Variants in SLC5A4 observed in about 807,000 individuals in gnomAD.
SLC5A4 encodes the protein solute carrier family 5 member 4.
In SLC5A4, 55 loss-of-function variants were observed where a neutral mutation model predicts 70.3. The ratio of observed to expected loss-of-function variants is 0.78; its 90% CI spans 0.63 to 0.98. SLC5A4 has a LOEUF of 0.98. SLC5A4 is among the 50% of genes least tolerant of loss of function. SLC5A4 has a pLI of 0.00. For missense variants in SLC5A4, 735 were observed against 839.2 expected, an observed-to-expected ratio of 0.88 and a Z score of 1.53; for synonymous variants, 268 against 305.7, an observed-to-expected ratio of 0.88 and a Z score of 1.29.
chr22:32,309,531 G>T, the SLC5A4 span, among the ~76,000 whole-genome samples: 2 of 152,002 alleles, frequency 1.3e-5, no homozygotes, highest in Non-Finnish European at 2.9e-5. Flanking sequence ...TGTTTCTCAG[G>T]GACACTCTAC....
chr22:32,330,818 AGGCTCTGGTGTGTGTGTGTGTGTTGGG>A, the SLC5A4 span, among the ~76,000 whole-genome samples: 354 of 9,692 alleles, frequency 0.037, 2 homozygotes, highest in Non-Finnish European at 0.056. Flanking sequence ...GTGTTTTGGG[AGGCTCTGGTGTGTGTGTGTGTGTTGGG>A]GGCTCTGGTG....
the SLC5A4 span, among the ~76,000 whole-genome samples, chr22:32,304,940 G>T: frequency 3.3e-5 from 5 of 151,804 alleles, no homozygotes; most frequent in African/African-American, 1.2e-4. Context: ...ATTTTTCCAC[G>T]TGAATGTCCA....
At chr22:32,314,156 G>GCTA in the SLC5A4 span, among the ~76,000 whole-genome samples, 2 of 152,210 alleles carry the variant, frequency 1.3e-5, no homozygotes, top group Non-Finnish European at 2.9e-5. Context: ...GTGTACAGGG[G>GCTA]CTAAGGGTGA....
the SLC5A4 span, among the ~76,000 whole-genome samples, chr22:32,342,251 C>G: frequency 4.6e-5 from 7 of 152,250 alleles, no homozygotes; most frequent in Admixed American, 3.9e-4. Flanking sequence ...TTTCAAAGAA[C>G]ACAAAAAAAT....
the SLC5A4 span, among the ~76,000 whole-genome samples, chr22:32,297,984 TGAGTTC>T: frequency 6.0e-5 from 6 of 99,776 alleles, 1 homozygote; most frequent in African/African-American, 2.3e-4. Context: ...TTCTTAATCC[TGAGTTC>T]TAGTTTGATT....
At chr22:32,272,616 C>T in the SLC5A4 span, 1 of 603,574 alleles carries the variant, frequency 1.7e-6, no homozygotes, top group Non-Finnish European at 3.0e-6. Context: ...GGTGTCTGAC[C>T]ACGACTGCAG....
the SLC5A4 span, among the ~76,000 whole-genome samples, chr22:32,262,783 T>C: frequency 6.6e-6 from 1 of 152,148 alleles, no homozygotes; most frequent in Non-Finnish European, 1.5e-5. Flanking sequence ...TTTTTATTTT[T>C]TTTTGAGACA....
the SLC5A4 span, among the ~76,000 whole-genome samples, chr22:32,326,318 A>G: frequency 0.68 from 101,652 of 149,112 alleles, 34,667 homozygotes; most frequent in East Asian, 0.74. Context: ...AGGCAATGGC[A>G]CGATCTTGGC....
chr22:32,299,520 A>G, the SLC5A4 span, among the ~76,000 whole-genome samples: 1 of 106,348 alleles, frequency 9.4e-6, no homozygotes, highest in Non-Finnish European at 2.0e-5. Flanking sequence ...TCCTTTAAGC[A>G]CTTCTCTGTA....
At chr22:32,269,452 C>T in the SLC5A4 span, 1 of 507,470 alleles carries the variant, frequency 2.0e-6, no homozygotes, top group Non-Finnish European at 3.8e-6. This position sits in a 1 kb window ranked among gnomAD's most constrained non-coding sequence, Gnocchi z 4.1. Context: ...TCCTGCACGG[C>T]TACTACAAGC....
chr22:32,291,966 G>A, the SLC5A4 span, among the ~76,000 whole-genome samples: 2 of 143,810 alleles, frequency 1.4e-5, no homozygotes, highest in Non-Finnish European at 3.0e-5. Flanking sequence ...TTTGCCTCCC[G>A]GGTTCAAGTG....
rs1191983533 is a variant in SLC5A4, at chr22:32,248,796, C to T, written c.319G>A (p.Val107Ile). 2 of 1,611,564 alleles carry T rather than the reference C, an allele frequency of 1.2e-6. No individual in the cohort carries two copies. The highest frequency in any genetic ancestry group is 1.7e-5 in the Admixed American group (1 of 60,008). The change falls in exon 4 of 15, where the codon GTA (valine) becomes ATA (isoleucine). Residue 107 changes from valine (V) to isoleucine (I), a missense_variant. Transcript: ENST00000266086. ...ATVTFEWTSS[V>I]MLLILGWIFV... ...ATCCACCCAAGAATCAGCAACATTA[C>T]TGAGGACTACAAGGAACCAAAATAA... is the stretch of plus-strand genomic sequence containing the variant.
chr22:32,233,998 AT>A (rs1925915804), intron 8 of SLC5A4, among the ~76,000 whole-genome samples: 1 of 151,986 alleles, frequency 6.6e-6, no homozygotes, highest in Non-Finnish European at 1.5e-5. Flanking sequence ...TATTGGGAGG[AT>A]GGGGGAACAG....
At chr22:32,252,295 G>T (rs1488709552) in intron 2 of SLC5A4, among the ~76,000 whole-genome samples, 1 of 152,022 alleles carries the variant, frequency 6.6e-6, no homozygotes, top group Non-Finnish European at 1.5e-5. Flanking sequence ...CTCAGAGCAG[G>T]AGTCAAGCAA....
chr22:32,271,838 A>G, the SLC5A4 span: 1 of 609,680 alleles, frequency 1.6e-6, no homozygotes, highest in Non-Finnish European at 3.2e-6. Flanking sequence ...GTGGCCTGTC[A>G]GGAAGATCCC....
chr22:32,285,712 T>TTTTA, the SLC5A4 span, among the ~76,000 whole-genome samples: 7 of 147,692 alleles, frequency 4.7e-5, no homozygotes, highest in Admixed American at 3.4e-4. Context: ...TCTTTTTTTA[T>TTTTA]TTTTATTTTA....
chr22:32,348,557 A>C, the SLC5A4 span, among the ~76,000 whole-genome samples: 8,741 of 152,318 alleles, frequency 0.057, 320 homozygotes, highest in African/African-American at 0.094. Flanking sequence ...TCTCAAAAGA[A>C]AGAACTCAAT....
At chr22:32,258,312 G>T (rs1222768661), upstream of SLC5A4, among the ~76,000 whole-genome samples, 1 of 151,984 alleles carries the variant, frequency 6.6e-6, no homozygotes, top group Non-Finnish European at 1.5e-5. Context: ...ATTCTGGCTG[G>T]GACTTCCAAT....
At chr22:32,325,800 C>G in the SLC5A4 span, among the ~76,000 whole-genome samples, 27 of 152,370 alleles carry the variant, frequency 1.8e-4, no homozygotes, top group East Asian at 4.8e-3. Context: ...CTCAGAGAGA[C>G]AATGTCACTA....
Sources: gnomAD v4.1 joint callset for allele counts (sites outside exome capture counted in the v4.1 genomes callset) on GRCh38, gnomAD v4.1.1 for gene constraint, Gnocchi (gnomAD v3.1) non-coding constraint, MANE v1.5 for transcripts, NCBI Gene and HGNC (gene_info 2026-07-23, HGNC 2026-07-21) for gene names.